Variants in USO1 observed in about 807,000 individuals in gnomAD.
USO1 encodes USO1 vesicle transport factor.
In USO1, 57 loss-of-function variants were observed where a neutral mutation model predicts 124.5. The observed-to-expected ratio is 0.46, with a 90% CI of 0.37 to 0.57. The LOEUF (loss-of-function observed/expected upper bound fraction) is 0.57, where lower values mean the gene tolerates loss of function less well. USO1 is among the 20% of genes least tolerant of loss of function. The probability of loss-of-function intolerance (pLI) is 0.00; values close to 1 mark genes in which losing one functional copy is unlikely to be tolerated. For synonymous variants in USO1, 369 were observed against 362.8 expected (o/e 1.02, Z -0.19); for missense variants, 900 against 1,040.6 (o/e 0.86, Z 1.86).
Position 75,767,369 on chromosome 4 carries a change from G to A in USO1, c.296-3070G>A, listed in dbSNP as rs982240889. ...ACAGCTTTATTGACATCTAATTAAT[G>A]TAAAATAATGAACATATGTAAATAA... On this transcript the variant is annotated intron_variant, in intron 4 of 23. Coordinates refer to ENST00000514213, the MANE Select transcript of USO1 (RefSeq NM_003715.4). 61 of 380,126 alleles carry A rather than the reference G, an allele frequency of 1.6e-4. 1 individual carries two copies. In the Middle Eastern group the frequency reaches 4.7e-3, roughly 29 times the overall value. 23.5% of individuals were successfully genotyped at this position (380,126 alleles called of 1,614,324 possible). A position where few individuals can be genotyped will look rare whatever the true frequency, so the allele number is the denominator to read the frequency against.
intron 1 of USO1, among the ~76,000 whole-genome samples, chr4:75,737,331 C>T (rs1354653425): frequency 6.6e-6 from 1 of 152,142 alleles, no homozygotes; most frequent in Admixed American, 6.5e-5. Context: ...GCATAGATAC[C>T]ACATTTTACC....
chr4:75,797,164 G>T (rs1272349663), intron 13 of USO1, among the ~76,000 whole-genome samples: 3 of 151,726 alleles, frequency 2.0e-5, no homozygotes, highest in African/African-American at 4.8e-5. Context: ...GCGAGACCTG[G>T]TCTCCAATCC....
chr4:75,743,857 A>G (rs1255322803), intron 1 of USO1, among the ~76,000 whole-genome samples: 3 of 152,116 alleles, frequency 2.0e-5, no homozygotes, highest in African/African-American at 7.2e-5. Context: ...GCTCACTGCA[A>G]GCTCCGCCTC....
In USO1 at chr4:75,731,983, G is replaced by A. The variant is rs533703475; in HGVS notation, c.66+7098G>A. ...TTGTTTCATAAGCAAATGTGTTTAT[G>A]AAAATAAACATTTCTCTAAACAATA... On this transcript the variant is annotated intron_variant, in intron 1 of 23. Transcript: ENST00000514213. Among the ~76,000 whole-genome samples, 4 of 152,220 alleles carry A rather than the reference G, an allele frequency of 2.6e-5. No individual in the cohort carries two copies. The East Asian group carries it at 7.7e-4, about 29-fold the overall frequency.
intron 1 of USO1, chr4:75,725,116 A>T: frequency 1.7e-6 from 1 of 579,464 alleles, no homozygotes; most frequent in South Asian, 2.0e-5. Flanking sequence ...CGCGCCCCGC[A>T]GCTCTGTAGG....
intron 7 of USO1, among the ~76,000 whole-genome samples, 160 bp from the exon 8 acceptor site, chr4:75,774,516 A>T (rs1722018518): frequency 6.6e-6 from 1 of 152,256 alleles, no homozygotes; most frequent in South Asian, 2.1e-4. Context: ...TTAGGGAGAC[A>T]AATTGCTTAA....
At chr4:75,772,306 G>A (rs191939326) in intron 7 of USO1, among the ~76,000 whole-genome samples, 4 of 151,914 alleles carry the variant, frequency 2.6e-5, no homozygotes, top group Admixed American at 6.5e-5. Context: ...GCATGATCTC[G>A]GCTCACTGCA....
intron 8 of USO1, among the ~76,000 whole-genome samples, chr4:75,775,427 T>C (rs1163421465): frequency 6.6e-6 from 1 of 152,076 alleles, no homozygotes; most frequent in Non-Finnish European, 1.5e-5. Context: ...TAATCCCAGC[T>C]ACTTGGGAGG....
At chr4:75,751,055 T>C (rs1395062153) in intron 1 of USO1, among the ~76,000 whole-genome samples, 1 of 152,226 alleles carries the variant, frequency 6.6e-6, no homozygotes, top group Non-Finnish European at 1.5e-5. Context: ...TGGCGTTCCA[T>C]CAAAGAATGT....
chr4:75,790,342 A>G, intron 11 of USO1, 104 bp downstream of exon 11: 1 of 1,399,204 alleles, frequency 7.1e-7, no homozygotes, highest in Non-Finnish European at 9.5e-7. Flanking sequence ...GTTTAGTTGT[A>G]TGTTTTGGAA....
At chr4:75,747,837 G>A (rs1038838146) in intron 1 of USO1, among the ~76,000 whole-genome samples, 5 of 147,574 alleles carry the variant, frequency 3.4e-5, no homozygotes, top group Middle Eastern at 3.7e-3. Context: ...AGATGGTCTC[G>A]ATCTCCTGAC....
At chr4:75,763,993 T>G (rs1263613194) in intron 4 of USO1, among the ~76,000 whole-genome samples, 1 of 152,174 alleles carries the variant, frequency 6.6e-6, no homozygotes, top group Non-Finnish European at 1.5e-5. Flanking sequence ...AGTTCAGAAG[T>G]GCTGTCTTAT....
chr4:75,799,713 A>T lies in USO1; in HGVS notation c.1544A>T (p.Asn515Ile). 6.2e-7 allele frequency: 1 copy of T among 1,613,758 alleles called. No individual in the cohort carries two copies. Among genetic ancestry groups the T allele is most frequent in the Non-Finnish European group, 8.5e-7 (1 of 1,179,762 alleles). ...ATTGCAGTAACGCATTTTCTTCACAATTCAGCCAATGTTCCATTTGTATCC... is the reference window on the plus strand; with the variant it reads ...ATTGCAGTAACGCATTTTCTTCACATTTCAGCCAATGTTCCATTTGTATCC... Reference protein sequence around the residue: ...CPIAVTHFLHNSANVPFLTGQ... With the variant: ...CPIAVTHFLHISANVPFLTGQ... Residue 515 changes from asparagine to isoleucine, a missense_variant, in exon 14 of 24, where the codon AAT becomes ATT. Asn to Ile is a moderately radical substitution (Grantham distance 149). Transcript: ENST00000514213.
At chr4:75,783,290 T>C (rs1402587318) in intron 9 of USO1, among the ~76,000 whole-genome samples, 1 of 152,342 alleles carries the variant, frequency 6.6e-6, no homozygotes, top group South Asian at 2.1e-4. Flanking sequence ...AGCCAGGCAC[T>C]GGATGCTAGG....
chr4:75,802,736 CTTTTTTTTTTT>C (rs997798305), intron 17 of USO1, among the ~76,000 whole-genome samples: 1 of 63,738 alleles, frequency 1.6e-5, no homozygotes, highest in Non-Finnish European at 2.7e-5. Context: ...TTTTTCTTTT[CTTTTTTTTTTT>C]TTTTTTTTTT....
intron 3 of USO1, among the ~76,000 whole-genome samples, chr4:75,756,287 G>T (rs1357968881): frequency 1.3e-5 from 2 of 151,968 alleles, no homozygotes; most frequent in African/African-American, 2.4e-5. Context: ...AAGGAGCCGT[G>T]AGCCAGAGAA....
At chr4:75,801,258 AG>A (rs1207363239) in intron 17 of USO1, 58 bp downstream of exon 17, 7 of 1,465,614 alleles carry the variant, frequency 4.8e-6, no homozygotes, top group African/African-American at 2.9e-5. Flanking sequence ...TTCTGCTTTA[AG>A]GGAGCCTTTT....
Position 75,801,193 on chromosome 4 carries a change from G to T in USO1, c.1979G>T (p.Arg660Leu), listed in dbSNP as rs752225678. ...NIVTHYKNMI[R>L]EQDLQLEELR... is the part of the protein sequence containing the mutation. ...GTGACTCACTACAAAAATATGATTC[G>T]AGAGCAGGTAAGTACTAATGAACTG... is the stretch of plus-strand genomic sequence containing the variant. Residue 660 changes from arginine to leucine, a missense_variant, in exon 17 of 24, where the codon CGA becomes CTA. This residue lies in a region of USO1 where 362 missense variants were observed against 359.0 expected (regional missense o/e 1.01). Transcript: ENST00000514213. 6.2e-7 allele frequency: 1 copy of T among 1,606,582 alleles called. No individual in the cohort carries two copies. Among genetic ancestry groups the T allele is most frequent in the South Asian group, 1.1e-5 (1 of 89,006 alleles).
intron 8 of USO1, among the ~76,000 whole-genome samples, chr4:75,777,748 A>C (rs1372501571): frequency 1.3e-5 from 2 of 152,228 alleles, no homozygotes; most frequent in Admixed American, 1.3e-4. Flanking sequence ...ATGGGAATGC[A>C]AAATGGTACA....
Sources: gnomAD v4.1 joint callset for allele counts (sites outside exome capture counted in the v4.1 genomes callset) on GRCh38, gnomAD v4.1.1 for gene constraint, gnomAD v4.1.1 regional missense constraint, MANE v1.5 for transcripts, NCBI Gene and HGNC (gene_info 2026-07-23, HGNC 2026-07-21) for gene names.